ROBO1: variants seen among roughly 807,000 people sequenced by gnomAD.
The protein encoded by ROBO1 is roundabout guidance receptor 1, also known as roundabout homolog 1.
Under a neutral mutation model 195.9 loss-of-function variants are expected in ROBO1, and 149 were observed. The ratio of observed to expected loss-of-function variants is 0.76; its 90% CI spans 0.67 to 0.87. The LOEUF (loss-of-function observed/expected upper bound fraction) is 0.87, where lower values mean the gene tolerates loss of function less well. ROBO1 is among the 40% of genes least tolerant of loss of function. The probability of loss-of-function intolerance (pLI) is 0.00; values close to 1 mark genes in which losing one functional copy is unlikely to be tolerated. For synonymous variants in ROBO1, 816 were observed against 733.2 expected (o/e 1.11, Z -1.82); for missense variants, 1,933 against 2,068.3 (o/e 0.93, Z 1.27).
intron 22 of ROBO1, 148 bp from the exon 23 acceptor site, chr3:78,636,256 C>A: frequency 1.8e-6 from 1 of 542,248 alleles, no homozygotes; most frequent in South Asian, 2.9e-5. Context: ...GGCCAAATAT[C>A]CACATGTGCT....
At chr3:78,790,057 A>T (rs1248452094) in intron 4 of ROBO1, among the ~76,000 whole-genome samples, 1 of 152,152 alleles carries the variant, frequency 6.6e-6, no homozygotes, top group Non-Finnish European at 1.5e-5. Flanking sequence ...TATTGTCCAC[A>T]TACCATGAAC....
intron 30 of ROBO1, among the ~76,000 whole-genome samples, chr3:78,599,758 CTG>C (rs1340101114): frequency 1.3e-5 from 2 of 152,152 alleles, no homozygotes; most frequent in Non-Finnish European, 2.9e-5. Context: ...TCATATAACT[CTG>C]TCATCTTACT....
At chr3:79,475,112 G>T (rs1938481980) in intron 2 of ROBO1, among the ~76,000 whole-genome samples, 1 of 151,282 alleles carries the variant, frequency 6.6e-6, no homozygotes, top group Admixed American at 6.6e-5. Context: ...ATACTCCAAA[G>T]GAATGATAGT....
intron 10 of ROBO1, among the ~76,000 whole-genome samples, chr3:78,681,038 A>G (rs1187040249): frequency 6.6e-6 from 1 of 151,952 alleles, no homozygotes; most frequent in Non-Finnish European, 1.5e-5. Flanking sequence ...TTGTAGGGAC[A>G]TGGATGAAAT....
At chr3:78,949,358 A>T (rs1259533218) in intron 3 of ROBO1, among the ~76,000 whole-genome samples, 1 of 127,390 alleles carries the variant, frequency 7.8e-6, no homozygotes, top group Admixed American at 8.3e-5. Context: ...ATAATGCCGC[A>T]TATCTACAAC....
At chr3:79,058,743 C>T (rs752150006) in intron 3 of ROBO1, among the ~76,000 whole-genome samples, 6 of 152,058 alleles carry the variant, frequency 3.9e-5, no homozygotes, top group South Asian at 2.1e-4. Context: ...AATGCTGGTT[C>T]GAGCTTGAGA....
chr3:79,752,927 G>A (rs879837916), intron 1 of ROBO1, among the ~76,000 whole-genome samples: 9 of 152,088 alleles, frequency 5.9e-5, no homozygotes, highest in Admixed American at 6.6e-5. Context: ...TTAAAAGACC[G>A]GAGGCAGTAG....
intron 2 of ROBO1, among the ~76,000 whole-genome samples, chr3:79,558,462 T>C (rs1942792534): frequency 1.3e-5 from 2 of 152,216 alleles, no homozygotes; most frequent in South Asian, 4.1e-4. Context: ...AGTGTTTATG[T>C]TAGTTATTGA....
chr3:79,086,658 C>T (rs530961896), intron 3 of ROBO1, among the ~76,000 whole-genome samples: 2 of 152,266 alleles, frequency 1.3e-5, no homozygotes, highest in African/African-American at 4.8e-5. Flanking sequence ...GCGATATTTT[C>T]CCGCATGTCA....
At chr3:79,222,621 CT>C (rs2082159639) in intron 2 of ROBO1, among the ~76,000 whole-genome samples, 1 of 150,334 alleles carries the variant, frequency 6.7e-6, no homozygotes, top group African/African-American at 2.4e-5. Context: ...TGTAAAAGAT[CT>C]TTAAAAAAAA....
chr3:79,376,425 T>C (rs2036386425), intron 2 of ROBO1, among the ~76,000 whole-genome samples: 1 of 152,200 alleles, frequency 6.6e-6, no homozygotes, highest in Non-Finnish European at 1.5e-5. Flanking sequence ...CGATGGGTAG[T>C]GATATGGTTT....
intron 8 of ROBO1, among the ~76,000 whole-genome samples, chr3:78,712,418 C>T (rs1277771927): frequency 3.3e-5 from 5 of 152,066 alleles, no homozygotes; most frequent in South Asian, 2.1e-4. Context: ...TGTTTTTCTA[C>T]GTTCAGTCTC....
chr3:79,449,852 G>A (rs1381536302), intron 2 of ROBO1, among the ~76,000 whole-genome samples: 2 of 151,972 alleles, frequency 1.3e-5, no homozygotes, highest in African/African-American at 2.4e-5. Flanking sequence ...AGTGTGTCAG[G>A]TACTAAACAC....
chr3:79,708,192 T>C (rs1702133529), intron 1 of ROBO1, among the ~76,000 whole-genome samples: 1 of 152,124 alleles, frequency 6.6e-6, no homozygotes, highest in Non-Finnish European at 1.5e-5. Context: ...ATGAAAGCTG[T>C]CCTCCCTATA....
In ROBO1 at chr3:78,631,165, C is replaced by A; in HGVS notation, c.3622G>T (p.Glu1208Ter). 1 of 1,610,468 alleles carries A rather than the reference C, an allele frequency of 6.2e-7. No homozygotes were observed. The highest frequency in any genetic ancestry group is 8.5e-7 in the Non-Finnish European group (1 of 1,178,192). ...CTGTTTGGATGCTCCTCTTACCTTTCATCTACAGAAATGTTGTACTCTTCG... is the reference window on the plus strand; with the variant it reads ...CTGTTTGGATGCTCCTCTTACCTTTAATCTACAGAAATGTTGTACTCTTCG... Reference protein sequence around the residue: ...NSEEYNISVDESYDQEMPCPV... With the variant: ...NSEEYNISVD The change falls in exon 25 of 31, where the codon GAA becomes TAA. Residue 1208 changes from glutamate to a stop codon, truncating the protein, a stop_gained. Coordinates refer to ENST00000464233, the MANE Select transcript of ROBO1 (RefSeq NM_002941.4). LOFTEE classifies it high-confidence loss of function.
intron 2 of ROBO1, among the ~76,000 whole-genome samples, chr3:79,205,397 C>G (rs1050180492): frequency 6.6e-6 from 1 of 152,096 alleles, no homozygotes; most frequent in Non-Finnish European, 1.5e-5. Context: ...ATTAACTTAT[C>G]TATGTGTCCA....
At chr3:79,583,690 TG>T (rs931754664) in intron 2 of ROBO1, among the ~76,000 whole-genome samples, 16 of 152,030 alleles carry the variant, frequency 1.1e-4, no homozygotes, top group African/African-American at 3.4e-4. Context: ...AATCTACTAG[TG>T]TTTTTTTTAA....
chr3:79,433,349 A>T (rs2038754778), intron 2 of ROBO1, among the ~76,000 whole-genome samples: 1 of 152,176 alleles, frequency 6.6e-6, no homozygotes, highest in Non-Finnish European at 1.5e-5. Context: ...CATCTATTGC[A>T]TCTATGTCCC....
chr3:78,668,675 A>G, intron 11 of ROBO1, 110 bp from the exon 12 acceptor site: 1 of 854,914 alleles, frequency 1.2e-6, no homozygotes, highest in Non-Finnish European at 1.8e-6. Context: ...CTGCATTAAA[A>G]TTCACTAACC....
Sources: allele counts gnomAD v4.1 joint callset (sites outside exome capture counted in the v4.1 genomes callset), GRCh38; gene constraint gnomAD v4.1.1; transcripts MANE v1.5; gene names NCBI Gene and HGNC (gene_info 2026-07-23, HGNC 2026-07-21).